The following DTNBP1 variants were observed in gnomAD, a reference collection of about 807,000 sequenced individuals.
DTNBP1 encodes the protein dystrobrevin binding protein 1, also known as dysbindin.
DTNBP1 carries 35 observed loss-of-function variants against 42.8 expected under a neutral mutation model. The observed-to-expected ratio is 0.82, with a 90% confidence interval of 0.63 to 1.09. The LOEUF is 1.09. Among genes scored for constraint, DTNBP1 ranks in the 50% least tolerant of loss-of-function variants. The pLI is 0.00. For synonymous variants in DTNBP1, 171 were observed against 162.2 expected (o/e 1.05, Z -0.41); for missense variants, 457 against 424.2 (o/e 1.08, Z -0.68).
At chr6:15,629,867 T>C (rs1488955722) in intron 4 of DTNBP1, among the ~76,000 whole-genome samples, 1 of 152,158 alleles carries the variant, frequency 6.6e-6, no homozygotes, top group Non-Finnish European at 1.5e-5. Flanking sequence ...GATTGTGCTA[T>C]AGGGGTATAT....
At chr6:15,537,955 G>A (rs929084415) in intron 7 of DTNBP1, among the ~76,000 whole-genome samples, 2 of 152,156 alleles carry the variant, frequency 1.3e-5, no homozygotes, top group African/African-American at 4.8e-5. Flanking sequence ...TACCATTTTT[G>A]ACCTGGTACA....
intron 5 of DTNBP1, among the ~76,000 whole-genome samples, chr6:15,624,089 G>A (rs962429461): frequency 3.3e-5 from 5 of 152,196 alleles, no homozygotes; most frequent in Admixed American, 1.3e-4. Flanking sequence ...TACGCAGTGC[G>A]TGGTGCGTGG....
In DTNBP1 at chr6:15,554,294, G is replaced by A. The variant is rs146200986; in HGVS notation, c.512-20899C>T. Reference sequence around the variant, plus strand: ...GATAGAGTCTCACTATGTTGCCTAGGGTGGTCTTGAACTCTTGGGCTCAAG... The same window carrying A: ...GATAGAGTCTCACTATGTTGCCTAGAGTGGTCTTGAACTCTTGGGCTCAAG... On this transcript the variant is annotated intron_variant, in intron 7 of 9. Transcript: ENST00000344537. Among the ~76,000 whole-genome samples, 212 of 152,072 alleles carry A rather than the reference G, an allele frequency of 1.4e-3. 1 individual carries two copies. Among genetic ancestry groups the A allele is most frequent in the African/African-American group, 4.8e-3 (201 of 41,474 alleles).
At chr6:15,601,608 C>T (rs1483269132) in intron 6 of DTNBP1, among the ~76,000 whole-genome samples, 5 of 151,908 alleles carry the variant, frequency 3.3e-5, no homozygotes, top group Non-Finnish European at 7.4e-5. Flanking sequence ...TGGTCCTAGG[C>T]CGAGGCAGAT....
chr6:15,606,204 C>T (rs536323771), intron 6 of DTNBP1, among the ~76,000 whole-genome samples: 40 of 152,290 alleles, frequency 2.6e-4, no homozygotes, highest in Non-Finnish European at 4.7e-4. Flanking sequence ...GCCACTGTCA[C>T]GTTTATTTTA....
intron 8 of DTNBP1, among the ~76,000 whole-genome samples, chr6:15,531,999 C>T (rs1457325603): frequency 6.6e-6 from 1 of 152,196 alleles, no homozygotes; most frequent in Non-Finnish European, 1.5e-5. Context: ...AAGAAACACT[C>T]CTGGGAGATG....
At position 15,566,701 on chromosome 6, in the gene DTNBP1, C is replaced by CTT. The variant is rs368168358; in HGVS notation, c.511+26356_511+26357dup. Among the ~76,000 whole-genome samples the CTT allele has an allele frequency of 9.1e-4, 121 of 132,962 alleles. 2 individuals carry two copies. Among genetic ancestry groups the CTT allele is most frequent in the African/African-American group, 1.4e-3 (48 of 34,784 alleles). The allele number at this position is 132,962 out of a possible 152,430, so 87.2% of individuals were successfully genotyped here. A position where few individuals can be genotyped will look rare whatever the true frequency, so the allele number is the denominator to read the frequency against. ...AAAATCTGCATCTGGAATGAATCTC[C>CTT]TTTTTTTTTTTTTTTTTTTGAGACC... On this transcript the variant is annotated intron_variant, in intron 7 of 9. Coordinates refer to ENST00000344537, the MANE Select transcript of DTNBP1 (RefSeq NM_032122.5).
At chr6:15,525,967 T>C (rs946055306) in intron 8 of DTNBP1, among the ~76,000 whole-genome samples, 5 of 151,770 alleles carry the variant, frequency 3.3e-5, no homozygotes, top group Non-Finnish European at 7.4e-5. Context: ...TTGAAGAACA[T>C]CAAAAGACAA....
At chr6:15,556,324 G>C (rs1774518048) in intron 7 of DTNBP1, among the ~76,000 whole-genome samples, 1 of 151,940 alleles carries the variant, frequency 6.6e-6, no homozygotes, top group African/African-American at 2.4e-5. Context: ...TGGGATTACA[G>C]CCATGCGCCA....
chr6:15,527,293 T>G (rs923598636), intron 8 of DTNBP1, among the ~76,000 whole-genome samples: 9 of 152,230 alleles, frequency 5.9e-5, no homozygotes, highest in Non-Finnish European at 1.2e-4. Flanking sequence ...TCACTATACC[T>G]ATTTGATGAC....
intron 5 of DTNBP1, among the ~76,000 whole-genome samples, chr6:15,621,665 G>C (rs1759049650): frequency 1.3e-5 from 2 of 152,146 alleles, no homozygotes; most frequent in Non-Finnish European, 2.9e-5. Flanking sequence ...CCTTTAAAAA[G>C]CTTCACAGGC....
intron 6 of DTNBP1, among the ~76,000 whole-genome samples, chr6:15,596,761 T>C (rs6903266): frequency 0.2 from 31,189 of 152,198 alleles, 3,632 homozygotes; most frequent in Non-Finnish European, 0.27. Flanking sequence ...TCCAGACTCA[T>C]ATGCAACTGC....
At chr6:15,636,628 T>C (rs375139593) in intron 4 of DTNBP1, among the ~76,000 whole-genome samples, 10 of 152,216 alleles carry the variant, frequency 6.6e-5, no homozygotes, top group Non-Finnish European at 1.3e-4. Context: ...TACATTTTTT[T>C]TCCCCCTAGC....
At chr6:15,576,638 G>A (rs1391747779) in intron 7 of DTNBP1, among the ~76,000 whole-genome samples, 2 of 151,800 alleles carry the variant, frequency 1.3e-5, no homozygotes, top group African/African-American at 4.8e-5. Context: ...GCATGGAGGT[G>A]TGTGCCTGTA....
intron 7 of DTNBP1, among the ~76,000 whole-genome samples, chr6:15,554,373 A>T (rs1448545806): frequency 1.3e-5 from 2 of 152,114 alleles, no homozygotes; most frequent in Admixed American, 6.5e-5. Flanking sequence ...GCATACCACT[A>T]TGCCCAGTGG....
At chr6:15,528,277 T>C (rs182154480) in intron 8 of DTNBP1, among the ~76,000 whole-genome samples, 107 of 152,344 alleles carry the variant, frequency 7.0e-4, no homozygotes, top group Middle Eastern at 3.4e-3. Flanking sequence ...CCAGCACTCC[T>C]GACACTTTGT....
At chr6:15,599,992 G>A (rs1776665811) in intron 6 of DTNBP1, among the ~76,000 whole-genome samples, 1 of 151,720 alleles carries the variant, frequency 6.6e-6, no homozygotes, top group Non-Finnish European at 1.5e-5. Flanking sequence ...ACTTGAAACT[G>A]TATATCCTTA....
chr6:15,543,807 G>C (rs747123359), intron 7 of DTNBP1, among the ~76,000 whole-genome samples: 18 of 152,196 alleles, frequency 1.2e-4, no homozygotes, highest in Non-Finnish European at 2.1e-4. Context: ...TACTCACCCT[G>C]CCACTCCGGC....
intron 5 of DTNBP1, among the ~76,000 whole-genome samples, chr6:15,617,252 T>G (rs888104645): frequency 6.6e-6 from 1 of 152,068 alleles, no homozygotes; most frequent in Non-Finnish European, 1.5e-5. Flanking sequence ...GACATCCCCA[T>G]GTTCATGCAT....
Sources: allele counts gnomAD v4.1 joint callset (sites outside exome capture counted in the v4.1 genomes callset), GRCh38; gene constraint gnomAD v4.1.1; transcripts MANE v1.5; gene names NCBI Gene and HGNC (gene_info 2026-07-23, HGNC 2026-07-21).